CCDC180: variants seen among roughly 807,000 people sequenced by gnomAD.
The protein encoded by CCDC180 is coiled-coil domain containing 180.
A neutral mutation model predicts 209.2 loss-of-function variants in CCDC180; 154 were observed. The observed-to-expected ratio is 0.74, with a 90% CI of 0.65 to 0.84. The LOEUF (loss-of-function observed/expected upper bound fraction) is 0.84, where lower values mean the gene tolerates loss of function less well. Among genes scored for constraint, CCDC180 ranks in the 40% least tolerant of loss-of-function variants. The pLI, the probability that CCDC180 is intolerant of heterozygous loss-of-function variation, is 0.00. For missense variants in CCDC180, 1,874 were observed against 1,997.3 expected (o/e 0.94, Z 1.18); for synonymous variants, 778 against 749.1 (o/e 1.04, Z -0.63).
At chr9:97,335,787 CCCA>C in intron 18 of CCDC180, among the ~76,000 whole-genome samples, 1 of 152,326 alleles carries the variant, frequency 6.6e-6, no homozygotes, top group East Asian at 1.9e-4. Flanking sequence ...AGTTTACACT[CCCA>C]CCAACAGTGT....
intron 29 of CCDC180, 68 bp from the exon 30 acceptor site, chr9:97,365,605 A>G: frequency 1.4e-6 from 2 of 1,410,532 alleles, no homozygotes; most frequent in Admixed American, 1.7e-5. Flanking sequence ...AGTTCTGTTC[A>G]TGTGGTTTTG....
chr9:97,342,790 T>A (rs1826125848), intron 18 of CCDC180, among the ~76,000 whole-genome samples: 1 of 152,254 alleles, frequency 6.6e-6, no homozygotes, highest in Admixed American at 6.5e-5. Context: ...AAAAGCTCCA[T>A]ATTCAAGCTG....
At position 97,308,078 on chromosome 9, in the gene CCDC180, G is replaced by A. The variant is rs777322484; in HGVS notation, c.15G>A (p.Gly5=). 1.1e-5 allele frequency: 17 copies of A among 1,613,508 alleles called. No homozygotes were observed. Among genetic ancestry groups the A allele is most frequent in the Non-Finnish European group, 1.4e-5 (17 of 1,179,744 alleles). MSSV[G]KVTQVPNGKA... ...CAGCGGCCAAGATGTCGTCAGTGGG[G>A]AAGGTGACCCAGGTTCCGAATGGGA... Residue 5 remains glycine, a synonymous_variant, in exon 2 of 37, where the codon GGG becomes GGA. Coordinates refer to ENST00000529487, the MANE Select transcript of CCDC180 (RefSeq NM_020893.6).
At chr9:97,324,109 G>A (rs1462164535) in intron 13 of CCDC180, among the ~76,000 whole-genome samples, 1 of 152,154 alleles carries the variant, frequency 6.6e-6, no homozygotes, top group Non-Finnish European at 1.5e-5. Context: ...CACTGACATG[G>A]GTGCTGCGCA....
At chr9:97,371,449 AG>A (rs1827097967) in intron 33 of CCDC180, 145 bp from the exon 34 acceptor site, 1 of 490,530 alleles carries the variant, frequency 2.0e-6, no homozygotes, top group Non-Finnish European at 3.7e-6. Context: ...CTCCTGGCTG[AG>A]GGCCAGATGC....
chr9:97,335,062 C>T (rs10981664), intron 18 of CCDC180, among the ~76,000 whole-genome samples: 16,992 of 152,156 alleles, frequency 0.11, 2,720 homozygotes, highest in African/African-American at 0.35. Flanking sequence ...TTACCAGTCC[C>T]TCACACATTT....
At chr9:97,319,247 T>G (rs529868235) in intron 10 of CCDC180, among the ~76,000 whole-genome samples, 2 of 152,304 alleles carry the variant, frequency 1.3e-5, no homozygotes, top group Admixed American at 6.5e-5. Flanking sequence ...TGGCACACAT[T>G]ACCTATGTAA....
intron 18 of CCDC180, among the ~76,000 whole-genome samples, chr9:97,332,209 A>G (rs1272204114): frequency 6.6e-6 from 1 of 151,568 alleles, no homozygotes; most frequent in Non-Finnish European, 1.5e-5. Flanking sequence ...GGTGTGAGGC[A>G]TTCTATTCCA....
intron 18 of CCDC180, among the ~76,000 whole-genome samples, chr9:97,335,474 C>G (rs531027162): frequency 6.6e-6 from 1 of 152,270 alleles, no homozygotes; most frequent in African/African-American, 2.4e-5. Context: ...TGATGGTTTC[C>G]AGCTTCATCC....
intron 2 of CCDC180, 59 bp downstream of exon 2, chr9:97,308,191 C>T: frequency 6.8e-7 from 1 of 1,461,312 alleles, no homozygotes; most frequent in Non-Finnish European, 9.1e-7. Context: ...TTCTTCCAAA[C>T]TTCCCTCCCT....
At chr9:97,317,435 T>G (rs1384082870) in intron 9 of CCDC180, among the ~76,000 whole-genome samples, 1 of 152,192 alleles carries the variant, frequency 6.6e-6, no homozygotes, top group Non-Finnish European at 1.5e-5. Flanking sequence ...CAGCAAATAT[T>G]TTGGTATATT....
At position 97,353,091 on chromosome 9, in the gene CCDC180, G is replaced by A. The variant is rs569829006; in HGVS notation, c.3003-1478G>A. Among the ~76,000 whole-genome samples, 27 of 152,150 alleles carry A rather than the reference G, an allele frequency of 1.8e-4. No homozygotes were observed. The South Asian group carries it at 5.2e-3, about 29-fold the overall frequency. The stretch of plus-strand genomic sequence containing the variant: ...CACTTACTGCAACCTCCACCTCCTG[G>A]GTTCGAGCGATTGTCCTGCCTCAGC... On this transcript the variant is annotated intron_variant, in intron 22 of 36. Coordinates refer to ENST00000529487, the MANE Select transcript of CCDC180 (RefSeq NM_020893.6).
In CCDC180 at chr9:97,370,608, A is replaced by G. The variant is rs1827057436; in HGVS notation, c.4351-33A>G. 6.2e-6 allele frequency: 10 copies of G among 1,609,820 alleles called. No individual in the cohort carries two copies. The East Asian group carries it at 2.0e-4, about 32-fold the overall frequency. ...GGTCAGTGACTTTTGGTGGGTTAAC[A>G]TTGCCACTGAATTCTGGATTGTTTG... On this transcript the variant is annotated intron_variant, in intron 32 of 36. Transcript: ENST00000529487.
intron 28 of CCDC180, 22 bp from the exon 29 acceptor site, chr9:97,364,029 C>T: frequency 6.2e-7 from 1 of 1,610,876 alleles, no homozygotes; most frequent in Non-Finnish European, 8.5e-7. Flanking sequence ...CTCCAGACCA[C>T]CCACCCACCT....
chr9:97,307,437 A>G (rs1343732429), upstream of CCDC180: 1 of 582,108 alleles, frequency 1.7e-6, no homozygotes, highest in South Asian at 1.6e-5. Flanking sequence ...TACCGGGCTC[A>G]GGGGGACGGC....
chr9:97,332,127 A>G (rs1825773582), intron 18 of CCDC180, among the ~76,000 whole-genome samples: 3 of 152,158 alleles, frequency 2.0e-5, no homozygotes, highest in Non-Finnish European at 4.4e-5. Context: ...GCTACCCAGC[A>G]CCATTTATTA....
chr9:97,343,315 A>T lies in CCDC180; in HGVS notation c.2275-25A>T. Reference sequence around the variant, plus strand: ...CAAGTCCATTTGATGATATCAAGTCAACTTTAGTGTTATTGCCTGCTTAGG... The same window carrying T: ...CAAGTCCATTTGATGATATCAAGTCTACTTTAGTGTTATTGCCTGCTTAGG... On this transcript the variant is annotated intron_variant, in intron 18 of 36. Coordinates refer to ENST00000529487, the MANE Select transcript of CCDC180 (RefSeq NM_020893.6). 3 of 1,462,436 alleles carry T rather than the reference A, an allele frequency of 2.1e-6. No homozygotes were observed. The East Asian group carries it at 6.8e-5, about 33-fold the overall frequency. The allele number at this position is 1,462,436 out of a possible 1,614,324, so 90.6% of individuals were successfully genotyped here.
At chr9:97,324,985 C>G in intron 13 of CCDC180, 34 bp from the exon 14 acceptor site, 1 of 1,599,818 alleles carries the variant, frequency 6.3e-7, no homozygotes, top group Non-Finnish European at 8.5e-7. Flanking sequence ...GACTGTCAGC[C>G]CTTAAGTCCC....
rs201716676 is a variant in CCDC180 at position 97,317,114 on chromosome 9, T to C, written c.845T>C (p.Phe282Ser). 1.1e-5 allele frequency: 17 copies of C among 1,613,378 alleles called. No homozygotes were observed. In the Admixed American group the frequency reaches 2.0e-4, roughly 19 times the overall value. The change falls in exon 9 of 37, where the codon TTT becomes TCT. Residue 282 changes from phenylalanine (F) to serine (S), a missense_variant. Physicochemically the swap from Phe to Ser is radical, Grantham distance 155. Transcript: ENST00000529487. ...LGNRKALAQL[F>S]VNLMESTLQQ... Reference sequence around the variant, plus strand: ...AACCGGAAGGCTCTCGCCCAGCTGTTTGTCAACCTGATGGAGTCCACCCTG... The same window carrying C: ...AACCGGAAGGCTCTCGCCCAGCTGTCTGTCAACCTGATGGAGTCCACCCTG...
Sources: gnomAD v4.1 joint callset for allele counts (sites outside exome capture counted in the v4.1 genomes callset) on GRCh38, gnomAD v4.1.1 for gene constraint, MANE v1.5 for transcripts, NCBI Gene and HGNC (gene_info 2026-07-23, HGNC 2026-07-21) for gene names.